Variants in CLCN6 observed in about 807,000 individuals in gnomAD.
CLCN6 encodes Cl-/H+ antiporter 6.
Under a neutral mutation model 109.8 loss-of-function variants are expected in CLCN6, and 70 were observed. The ratio of observed to expected loss-of-function variants is 0.64; its 90% CI spans 0.53 to 0.78. CLCN6 has a LOEUF of 0.78. Among genes scored for constraint, CLCN6 ranks in the 30% least tolerant of loss-of-function variants. The pLI is 0.00. For missense variants in CLCN6, 984 were observed against 1,142.3 expected, an observed-to-expected ratio of 0.86 and a Z score of 2.00; for synonymous variants, 444 against 447.8, an observed-to-expected ratio of 0.99 and a Z score of 0.11.
intron 13 of CLCN6, 68 bp downstream of exon 13, chr1:11,829,390 C>T (rs543111009): frequency 6.3e-7 from 1 of 1,580,492 alleles, no homozygotes; most frequent in East Asian, 2.2e-5. Flanking sequence ...TATGACCTTC[C>T]TCTGTTGAGA....
chr1:11,833,625 C>G lies in CLCN6; in HGVS notation c.1359C>G (p.Leu453=). 1.2e-6 allele frequency: 2 copies of G among 1,613,726 alleles called. No homozygotes were observed. The highest frequency in any genetic ancestry group is 8.5e-7 in the Non-Finnish European group (1 of 1,180,032). ...CGCAGGAGTCTGCCATCCTCCAGCT[C>G]TTCCACCAGGATGGTGAGTGTCTGC... The part of the protein sequence containing the change: ...FNPQESAILQ[L]FHQDGTFSPV... The change falls in exon 14 of 23, where the codon CTC becomes CTG. Residue 453 remains leucine, a synonymous_variant. Transcript: ENST00000346436.
chr1:11,838,619 A>T lies in CLCN6; in HGVS notation c.2488A>T (p.Met830Leu), dbSNP rs1644980766. 3 of 1,614,092 alleles carry T rather than the reference A, an allele frequency of 1.9e-6. No homozygotes were observed. In the Admixed American group the frequency reaches 5.0e-5, roughly 27 times the overall value. Residue 830 changes from methionine to leucine, a missense_variant, in exon 22 of 23, where the codon ATG (methionine) becomes TTG (leucine). Physicochemically the swap from Met to Leu is conservative, Grantham distance 15 (BLOSUM62 2). Transcript: ENST00000346436. ...VSQVFNLFRT[M>L]GLRHLPVVNA... ...CCAAGTCTTCAACCTGTTCAGAACG[A>T]TGGGCCTGCGCCACCTGCCCGTGGT...
At position 11,842,392 on chromosome 1, in the gene CLCN6, T is replaced by C. The variant is rs1645035824; in HGVS notation, c.*2169T>C. 6.5e-6 allele frequency: 1 copy of C among 152,852 alleles called. No individual in the cohort carries two copies. Among genetic ancestry groups the C allele is most frequent in the East Asian group, 1.9e-4 (1 of 5,192 alleles). The allele number at this position is 152,852 out of a possible 1,614,324, so 9.5% of individuals were successfully genotyped here. ...AAGGAGGCCCCAAACCCAGGCCCCA[T>C]GCAAAGGCACGTGGTTTCCTTTTCT... On this transcript the variant is annotated 3_prime_UTR_variant, in exon 23 of 23. Coordinates refer to ENST00000346436, the MANE Select transcript of CLCN6 (RefSeq NM_001286.5).
chr1:11,819,416 G>A, intron 4 of CLCN6, 72 bp from the exon 5 acceptor site: 3 of 1,395,028 alleles, frequency 2.2e-6, no homozygotes, highest in Non-Finnish European at 3.1e-6. Flanking sequence ...GCCTTCAAGA[G>A]GAGCACACCT....
At chr1:11,821,131 A>G (rs1251540023) in intron 5 of CLCN6, among the ~76,000 whole-genome samples, 1 of 152,148 alleles carries the variant, frequency 6.6e-6, no homozygotes, top group Non-Finnish European at 1.5e-5. Context: ...ACCACATCAA[A>G]GTACATATTG....
chr1:11,819,320 G>A (rs987549612), intron 4 of CLCN6, among the ~76,000 whole-genome samples, 168 bp from the exon 5 acceptor site: 2 of 152,166 alleles, frequency 1.3e-5, no homozygotes, highest in Admixed American at 6.5e-5. Flanking sequence ...CTGGAGAAGG[G>A]ATCTCCTCCT....
intron 1 of CLCN6, 136 bp downstream of exon 1, chr1:11,806,485 C>T (rs1644512616): frequency 1.5e-6 from 1 of 659,762 alleles, no homozygotes; most frequent in South Asian, 2.4e-5. Flanking sequence ...AGCCAGGGCT[C>T]TCGAAGCGTC....
Position 11,828,248 on chromosome 1 carries a change from T to G in CLCN6, c.954+29T>G, listed in dbSNP as rs1337367435. ...TGTTTTGTCCTTTCCCCAAGGATTT[T>G]TAATTTGACCCATGAAAATTTCCTC... On this transcript the variant is annotated intron_variant, in intron 11 of 22. Coordinates refer to ENST00000346436, the MANE Select transcript of CLCN6 (RefSeq NM_001286.5). 6 of 1,586,956 alleles carry G rather than the reference T, an allele frequency of 3.8e-6. No individual in the cohort carries two copies. The Admixed American group carries it at 5.0e-5, about 13-fold the overall frequency.
At chr1:11,820,706 G>T (rs1358287266) in intron 5 of CLCN6, 3 of 231,870 alleles carry the variant, frequency 1.3e-5, no homozygotes, top group Non-Finnish European at 2.6e-5. Flanking sequence ...GGCGGAGCTT[G>T]CAGTAAGCCA....
At position 11,831,133 on chromosome 1, in the gene CLCN6, G is replaced by A. The variant is rs140889090; in HGVS notation, c.1248+1811G>A. Among the ~76,000 whole-genome samples the A allele has an allele frequency of 3.5e-4, 53 of 150,866 alleles. No individual in the cohort carries two copies. In the East Asian group the frequency reaches 8.9e-3, roughly 25 times the overall value. On this transcript the variant is annotated intron_variant, in intron 13 of 22. Coordinates refer to ENST00000346436, the MANE Select transcript of CLCN6 (RefSeq NM_001286.5). Reference sequence around the variant, plus strand: ...CAGGTGTGTCACCACGCCCAGCCTGGTTTATATATATATGTTTTTGTTTTT... The same window carrying A: ...CAGGTGTGTCACCACGCCCAGCCTGATTTATATATATATGTTTTTGTTTTT...
rs188889038 is a variant in CLCN6 at position 11,826,972 on chromosome 1, G to A, written c.708-117G>A. On this transcript the variant is annotated intron_variant, in intron 9 of 22. Transcript: ENST00000346436. ...GCCTCACCAGTGACCTGCCCTTCCA[G>A]GATCCCTGCCTATTCATTCACAGGT... 772 of 1,335,588 alleles carry A rather than the reference G, an allele frequency of 5.8e-4. 7 individuals are homozygous for A. In the African/African-American group the frequency reaches 9.6e-3, roughly 17 times the overall value. 82.7% of individuals were successfully genotyped at this position (1,335,588 alleles called of 1,614,324 possible). A position where few individuals can be genotyped will look rare whatever the true frequency, so the allele number is the denominator to read the frequency against.
chr1:11,816,988 A>G (rs1438587653), intron 4 of CLCN6, among the ~76,000 whole-genome samples: 1 of 152,112 alleles, frequency 6.6e-6, no homozygotes, highest in East Asian at 1.9e-4. Flanking sequence ...TTATGATATG[A>G]TTATGGATCA....
intron 13 of CLCN6, 92 bp from the exon 14 acceptor site, chr1:11,833,423 C>A: frequency 7.8e-7 from 1 of 1,285,564 alleles, no homozygotes; most frequent in Non-Finnish European, 1.1e-6. Flanking sequence ...GAAAGCTGTG[C>A]AGCCACCTGT....
intron 5 of CLCN6, among the ~76,000 whole-genome samples, chr1:11,820,094 G>A (rs946691043): frequency 6.6e-6 from 1 of 152,340 alleles, no homozygotes; most frequent in Middle Eastern, 3.4e-3. Flanking sequence ...TCACATACAT[G>A]GAACTTTGGT....
rs1644773655 is a variant in CLCN6, at chr1:11,823,614, C to G, written c.454-93C>G. Reference sequence around the variant, plus strand: ...ACGCTCACGCTGCTAATGAAGGTGGCCAGCTCTCCCTCTTCCGCCGCCCAG... The same window carrying G: ...ACGCTCACGCTGCTAATGAAGGTGGGCAGCTCTCCCTCTTCCGCCGCCCAG... On this transcript the variant is annotated intron_variant, in intron 6 of 22. Transcript: ENST00000346436. 2.6e-6 allele frequency: 4 copies of G among 1,544,344 alleles called. No individual in the cohort carries two copies. In the Admixed American group the frequency reaches 6.9e-5, roughly 27 times the overall value.
intron 2 of CLCN6, among the ~76,000 whole-genome samples, chr1:11,812,367 A>G (rs1246746233): frequency 2.0e-5 from 3 of 152,244 alleles, no homozygotes; most frequent in Non-Finnish European, 4.4e-5. Flanking sequence ...GCTACCCTCC[A>G]GGAACCTCCA....
At chr1:11,809,543 C>T (rs1644570848) in intron 2 of CLCN6, among the ~76,000 whole-genome samples, 1 of 152,140 alleles carries the variant, frequency 6.6e-6, no homozygotes, top group African/African-American at 2.4e-5. Context: ...ACCTCCACCC[C>T]CGCCTCTGAG....
In CLCN6 at chr1:11,828,536, G is replaced by A; in HGVS notation, c.1033G>A (p.Gly345Ser). The change falls in exon 12 of 23, where the codon GGC becomes AGC. Residue 345 changes from glycine to serine, a missense_variant. Physicochemically the swap from Gly to Ser is moderately conservative, Grantham distance 56. Coordinates refer to ENST00000346436, the MANE Select transcript of CLCN6 (RefSeq NM_001286.5). ...CTTCGTCGTGATGGGGGTCATTGGG[G>A]GCCTCCTGGGAGCCACATTCAACTG... Reference protein sequence around the residue: ...GFFVVMGVIGGLLGATFNCLN... With the variant: ...GFFVVMGVIGSLLGATFNCLN... 6.2e-7 allele frequency: 1 copy of A among 1,614,098 alleles called. No individual in the cohort carries two copies. The highest frequency in any genetic ancestry group is 8.5e-7 in the Non-Finnish European group (1 of 1,180,008).
intron 5 of CLCN6, 35 bp from the exon 6 acceptor site, chr1:11,822,660 C>T: frequency 2.3e-6 from 3 of 1,324,136 alleles, no homozygotes; most frequent in Non-Finnish European, 3.3e-6. Context: ...CACCCCTCGG[C>T]TGATGAACAA....
Sources: allele counts gnomAD v4.1 joint callset (sites outside exome capture counted in the v4.1 genomes callset), GRCh38; gene constraint gnomAD v4.1.1; transcripts MANE v1.5; gene names NCBI Gene and HGNC (gene_info 2026-07-23, HGNC 2026-07-21).